Variants in CSMD1 observed in about 807,000 individuals in gnomAD.
CSMD1 encodes the protein CUB and Sushi multiple domains 1, also known as CUB and sushi domain-containing protein 1.
Under a neutral mutation model 417.5 loss-of-function variants are expected in CSMD1, and 213 were observed. That is an observed-to-expected ratio of 0.51 (90% confidence interval 0.46 to 0.57). The LOEUF is 0.57. Ranked by LOEUF, CSMD1 falls within the 20% of genes least tolerant of loss-of-function variation. The pLI is 0.00. For synonymous variants in CSMD1, 2,862 were observed against 1,736.8 expected (o/e 1.65, Z -16.11); for missense variants, 6,923 against 4,529.7 (o/e 1.53, Z -15.17).
chr8:3,173,396 G>A (rs535777524), intron 37 of CSMD1, among the ~76,000 whole-genome samples: 2 of 152,254 alleles, frequency 1.3e-5, no homozygotes, highest in South Asian at 4.1e-4. Context: ...TAGAACAGTA[G>A]GGATGAGAGA....
At chr8:3,915,378 C>G (rs1282917758) in intron 5 of CSMD1, among the ~76,000 whole-genome samples, 2 of 139,980 alleles carry the variant, frequency 1.4e-5, no homozygotes, top group Non-Finnish European at 3.0e-5. Context: ...TGCACTCCAG[C>G]CTAGGCGTCA....
intron 50 of CSMD1, among the ~76,000 whole-genome samples, chr8:3,036,126 C>G (rs932770960): frequency 3.9e-5 from 6 of 152,162 alleles, no homozygotes; most frequent in Admixed American, 3.3e-4. Flanking sequence ...TCAGCAACAA[C>G]ACAAAATACT....
In CSMD1 at chr8:4,961,677, A is replaced by T. The variant is rs73515819; in HGVS notation, c.85+32655T>A. On this transcript the variant is annotated intron_variant, in intron 1 of 69. Coordinates refer to ENST00000635120, the MANE Select transcript of CSMD1 (RefSeq NM_033225.6). ...AAAACCCTACAAGTTGTATAGAGTA[A>T]TTTTTATTGTTTTTTTTCTGAAATG... Among the ~76,000 whole-genome samples the T allele has an allele frequency of 4.8e-3, 737 of 152,100 alleles. 6 individuals carry two copies. Among genetic ancestry groups the T allele is most frequent in the African/African-American group, 0.016 (683 of 41,472 alleles).
At chr8:3,124,820 A>G (rs910107274) in intron 41 of CSMD1, among the ~76,000 whole-genome samples, 3 of 152,238 alleles carry the variant, frequency 2.0e-5, no homozygotes, top group Non-Finnish European at 4.4e-5. Context: ...TCAACATCAT[A>G]ATGATGACAA....
chr8:4,419,860 A>G (rs778730526), intron 3 of CSMD1, 93 bp downstream of exon 3: 8 of 879,854 alleles, frequency 9.1e-6, no homozygotes, highest in Non-Finnish European at 1.5e-5. Context: ...GACCTGCGAC[A>G]TAGCAGCCTA....
At chr8:4,449,548 G>C (rs553243258) in intron 2 of CSMD1, among the ~76,000 whole-genome samples, 1 of 152,154 alleles carries the variant, frequency 6.6e-6, no homozygotes, top group East Asian at 1.9e-4. Context: ...CAGGAAGTTG[G>C]ATCCCAATGG....
At chr8:3,927,394 C>G (rs1433203535) in intron 5 of CSMD1, among the ~76,000 whole-genome samples, 1 of 151,958 alleles carries the variant, frequency 6.6e-6, no homozygotes, top group Non-Finnish European at 1.5e-5. Flanking sequence ...CAGCCAGACA[C>G]AGTGGCTCCT....
chr8:4,362,323 A>T (rs1315301002), intron 3 of CSMD1, among the ~76,000 whole-genome samples: 1 of 152,110 alleles, frequency 6.6e-6, no homozygotes, highest in Non-Finnish European at 1.5e-5. Context: ...CTGGGGTTGT[A>T]ACTGAACCTT....
intron 3 of CSMD1, among the ~76,000 whole-genome samples, chr8:4,382,836 C>T (rs956960260): frequency 8.5e-5 from 13 of 152,118 alleles, no homozygotes; most frequent in Non-Finnish European, 5.9e-5. Context: ...ATTGTGACAA[C>T]GACCTTACAC....
At chr8:3,264,021 A>T (rs1563201399) in intron 26 of CSMD1, among the ~76,000 whole-genome samples, 1 of 152,260 alleles carries the variant, frequency 6.6e-6, no homozygotes, top group East Asian at 1.9e-4. Context: ...ATTTAAAGAG[A>T]CTTCAGTTTT....
At chr8:3,896,661 G>C (rs574552313) in intron 5 of CSMD1, among the ~76,000 whole-genome samples, 4 of 151,844 alleles carry the variant, frequency 2.6e-5, no homozygotes, top group African/African-American at 9.7e-5. Flanking sequence ...ACAGGCGCCC[G>C]CCACCACACT....
chr8:4,488,066 T>C (rs1255136291), intron 2 of CSMD1, among the ~76,000 whole-genome samples: 1 of 152,200 alleles, frequency 6.6e-6, no homozygotes, highest in East Asian at 1.9e-4. Context: ...TCTTTCTGTC[T>C]CTGCCATGTG....
Position 3,558,060 on chromosome 8 carries a change from GATGAATAGTGCCTCAATA to G in CSMD1, c.1344+16867_1344+16884del, listed in dbSNP as rs1443573304. Reference sequence around the variant, plus strand: ...AGTAACCCGTGTCCACTCCTCTGATGATGAATAGTGCCTCAATAGTACCCCGTGTCGACTCCTCCAATG... The same window carrying G: ...AGTAACCCGTGTCCACTCCTCTGATGGTACCCCGTGTCGACTCCTCCAATG... On this transcript the variant is annotated intron_variant, in intron 10 of 69. Coordinates refer to ENST00000635120, the MANE Select transcript of CSMD1 (RefSeq NM_033225.6). Among the ~76,000 whole-genome samples the G allele has an allele frequency of 2.2e-3, 337 of 150,452 alleles. 1 individual carries two copies. Among genetic ancestry groups the G allele is most frequent in the African/African-American group, 7.9e-3 (318 of 40,334 alleles).
At chr8:3,910,615 A>AT (rs1038024513) in intron 5 of CSMD1, among the ~76,000 whole-genome samples, 2 of 152,206 alleles carry the variant, frequency 1.3e-5, no homozygotes, top group African/African-American at 4.8e-5. Context: ...AAGACAGATG[A>AT]TTTTAATATA....
chr8:4,602,999 C>T (rs989981063), intron 2 of CSMD1, among the ~76,000 whole-genome samples: 10 of 151,676 alleles, frequency 6.6e-5, no homozygotes, highest in Non-Finnish European at 1.5e-4. Context: ...AAAGACTGAA[C>T]TATTTTTAAT....
At chr8:4,583,068 G>A (rs1256586877) in intron 2 of CSMD1, among the ~76,000 whole-genome samples, 1 of 152,192 alleles carries the variant, frequency 6.6e-6, no homozygotes, top group Non-Finnish European at 1.5e-5. Flanking sequence ...CTTCCCGCGG[G>A]GCAGGGCTCA....
chr8:4,529,646 T>G (rs764071833), intron 2 of CSMD1, among the ~76,000 whole-genome samples: 7 of 152,132 alleles, frequency 4.6e-5, no homozygotes, highest in Non-Finnish European at 8.8e-5. Context: ...TGCAACAGGA[T>G]GTTAAATTCC....
At chr8:3,180,602 C>G (rs1037113240) in intron 37 of CSMD1, among the ~76,000 whole-genome samples, 6 of 151,930 alleles carry the variant, frequency 3.9e-5, no homozygotes, top group Non-Finnish European at 8.8e-5. Flanking sequence ...TACATTTACC[C>G]ATTAATTTGT....
chr8:3,019,987 G>A (rs1309779271), intron 51 of CSMD1, among the ~76,000 whole-genome samples: 1 of 152,262 alleles, frequency 6.6e-6, no homozygotes, highest in Non-Finnish European at 1.5e-5. Context: ...GTGCTTCGCT[G>A]CAGCCTGCAG....
Sources: allele counts gnomAD v4.1 joint callset (sites outside exome capture counted in the v4.1 genomes callset), GRCh38; gene constraint gnomAD v4.1.1; transcripts MANE v1.5; gene names NCBI Gene and HGNC (gene_info 2026-07-23, HGNC 2026-07-21).